Variants in THSD4 observed in about 807,000 individuals in gnomAD.
THSD4 encodes thrombospondin type-1 domain-containing protein 4.
Under a neutral mutation model 119.0 loss-of-function variants are expected in THSD4, and 69 were observed. That is an observed-to-expected ratio of 0.58 (90% CI 0.48 to 0.71). The LOEUF is 0.71. Among genes scored for constraint, THSD4 ranks in the 30% least tolerant of loss-of-function variants. THSD4 has a pLI of 0.00. For synonymous variants in THSD4, 524 were observed against 540.4 expected (o/e 0.97, Z 0.42); for missense variants, 1,393 against 1,391.1 (o/e 1.00, Z -0.02).
chr15:71,671,324 T>C (rs2051523579), intron 8 of THSD4, among the ~76,000 whole-genome samples: 1 of 152,232 alleles, frequency 6.6e-6, no homozygotes, highest in African/African-American at 2.4e-5. Context: ...CACTTTTTGA[T>C]GGAGTTGTTT....
chr15:71,174,673 C>T (rs1275420728), intron 3 of THSD4, among the ~76,000 whole-genome samples: 3 of 133,762 alleles, frequency 2.2e-5, no homozygotes, highest in East Asian at 2.3e-4. Context: ...GTAGGCTCCA[C>T]CTCTGGGGGC....
At chr15:71,459,124 G>C (rs138815880) in intron 7 of THSD4, among the ~76,000 whole-genome samples, 1 of 149,976 alleles carries the variant, frequency 6.7e-6, no homozygotes, top group East Asian at 2.0e-4. Flanking sequence ...TGAATCTTGA[G>C]TAGTATCAGC....
intron 6 of THSD4, among the ~76,000 whole-genome samples, chr15:71,324,064 C>T (rs2045309015): frequency 6.6e-6 from 1 of 152,174 alleles, no homozygotes; most frequent in Non-Finnish European, 1.5e-5. Flanking sequence ...CTCTTCATTA[C>T]TGCTCCCATA....
At chr15:71,619,014 G>C (rs766578920) in intron 7 of THSD4, among the ~76,000 whole-genome samples, 11 of 151,206 alleles carry the variant, frequency 7.3e-5, no homozygotes, top group South Asian at 2.1e-4. Context: ...TTGTTGCCCA[G>C]GCTGGAGTGC....
At position 71,331,819 on chromosome 15, in the gene THSD4, C is replaced by G. The variant is rs572912922; in HGVS notation, c.1015+75104C>G. 7.4e-5 allele frequency among the ~76,000 whole-genome samples: 11 copies of G among 149,476 alleles called. No homozygotes were observed. In the East Asian group the frequency reaches 9.7e-4, roughly 13 times the overall value. ...AATTACAATGCATTCCTTGCCCCCC[C>G]CTCCCCACCCCGTGACATTGGACTG... On this transcript the variant is annotated intron_variant, in intron 6 of 17. Transcript: ENST00000261862.
At chr15:71,718,250 G>A (rs1395852927) in intron 8 of THSD4, among the ~76,000 whole-genome samples, 1 of 152,102 alleles carries the variant, frequency 6.6e-6, no homozygotes, top group Non-Finnish European at 1.5e-5. Context: ...TTTGGGATGA[G>A]AAAGATATCA....
intron 3 of THSD4, among the ~76,000 whole-genome samples, chr15:71,173,514 A>C (rs1298950292): frequency 3.3e-5 from 5 of 151,618 alleles, no homozygotes; most frequent in Admixed American, 3.3e-4. Context: ...AAAGGTAGGC[A>C]AATAGATAAT....
intron 3 of THSD4, among the ~76,000 whole-genome samples, chr15:71,202,004 T>A (rs1567155908): frequency 6.6e-6 from 1 of 152,200 alleles, no homozygotes; most frequent in African/African-American, 2.4e-5. Context: ...GGGGCCCCTT[T>A]TTCTCATGGC....
In THSD4 at chr15:71,781,382, C is replaced by G. The variant is rs781603677; in HGVS notation, c.*4008C>G. 7 of 152,862 alleles carry G rather than the reference C, an allele frequency of 4.6e-5. No homozygotes were observed. The highest frequency in any genetic ancestry group is 7.2e-5 in the African/African-American group (3 of 41,432). 9.5% of individuals were successfully genotyped at this position (152,862 alleles called of 1,614,324 possible). On this transcript the variant is annotated 3_prime_UTR_variant, in exon 18 of 18. Coordinates refer to ENST00000261862, the MANE Select transcript of THSD4 (RefSeq NM_024817.3). ...CAGTGTGAGTCAAAGTGGGATGGAA[C>G]CATGCAAAAACAAAACCCACAGACA... is the stretch of plus-strand genomic sequence containing the variant.
chr15:71,636,651 G>A (rs1007444062), intron 7 of THSD4, among the ~76,000 whole-genome samples: 1 of 152,008 alleles, frequency 6.6e-6, no homozygotes, highest in Non-Finnish European at 1.5e-5. Context: ...CTTCCTCTTG[G>A]CTCTTTGTCT....
intron 7 of THSD4, among the ~76,000 whole-genome samples, chr15:71,614,025 A>G (rs759800169): frequency 3.9e-4 from 59 of 152,226 alleles, no homozygotes; most frequent in Non-Finnish European, 4.7e-4. Context: ...CCATCTCCAG[A>G]CAGCCAATTT....
chr15:71,552,921 A>T (rs2048954721), intron 7 of THSD4, among the ~76,000 whole-genome samples: 1 of 152,206 alleles, frequency 6.6e-6, no homozygotes, highest in African/African-American at 2.4e-5. Context: ...GGCATGAGCC[A>T]CCGCACCAGC....
chr15:71,757,439 A>G (rs1357326392), intron 14 of THSD4, among the ~76,000 whole-genome samples: 1 of 151,140 alleles, frequency 6.6e-6, no homozygotes, highest in African/African-American at 2.4e-5. Flanking sequence ...TTTTATTTTT[A>G]TTTTTAGAGA....
At chr15:71,758,659 G>C (rs969904496) in intron 15 of THSD4, among the ~76,000 whole-genome samples, 1 of 152,204 alleles carries the variant, frequency 6.6e-6, no homozygotes, top group Non-Finnish European at 1.5e-5. Flanking sequence ...GGAAATGACT[G>C]CCTTGGTTTG....
intron 8 of THSD4, among the ~76,000 whole-genome samples, chr15:71,710,552 T>G (rs2052489700): frequency 6.6e-6 from 1 of 152,206 alleles, no homozygotes; most frequent in East Asian, 1.9e-4. Context: ...AGGTCAATTT[T>G]GGCTTATTAT....
chr15:71,763,313 A>G (rs1025435537), intron 15 of THSD4, among the ~76,000 whole-genome samples: 2 of 152,152 alleles, frequency 1.3e-5, no homozygotes, highest in East Asian at 3.9e-4. Context: ...GCTAATATTT[A>G]GAGTTTGAAC....
intron 10 of THSD4, among the ~76,000 whole-genome samples, chr15:71,734,616 C>G (rs7176057): frequency 0.15 from 22,692 of 151,928 alleles, 2,332 homozygotes; most frequent in African/African-American, 0.29. Context: ...TGTGCACCCC[C>G]AAGTGTGAAC....
chr15:71,558,564 G>T (rs2049059948), intron 7 of THSD4, among the ~76,000 whole-genome samples: 1 of 152,100 alleles, frequency 6.6e-6, no homozygotes, highest in Non-Finnish European at 1.5e-5. Context: ...AACCTCCTGG[G>T]CTGAAGTGAT....
At chr15:71,577,709 ATTTAT>A (rs371853648) in intron 7 of THSD4, among the ~76,000 whole-genome samples, 2 of 109,554 alleles carry the variant, frequency 1.8e-5, no homozygotes, top group African/African-American at 6.6e-5. Context: ...ACCTTTATTT[ATTTAT>A]TTTATTTTAT....
Sources: allele counts gnomAD v4.1 joint callset (sites outside exome capture counted in the v4.1 genomes callset), GRCh38; gene constraint gnomAD v4.1.1; transcripts MANE v1.5; gene names NCBI Gene and HGNC (gene_info 2026-07-23, HGNC 2026-07-21).